The following AOPEP variants were observed in gnomAD, a reference collection of about 807,000 sequenced individuals.
AOPEP encodes the protein aminopeptidase O (putative), also known as aminopeptidase O.
AOPEP carries 77 observed loss-of-function variants against 98.1 expected under a neutral mutation model. That is an observed-to-expected ratio of 0.78 (90% CI 0.65 to 0.95). AOPEP has a LOEUF of 0.95. Among genes scored for constraint, AOPEP ranks in the 40% least tolerant of loss-of-function variants. AOPEP has a pLI of 0.00. For synonymous variants in AOPEP, 346 were observed against 365.3 expected (o/e 0.95, Z 0.60); for missense variants, 1,024 against 1,024.7 (o/e 1.00, Z 0.01).
At chr9:94,947,276 C>T (rs1219271689) in intron 7 of AOPEP, among the ~76,000 whole-genome samples, 4 of 150,770 alleles carry the variant, frequency 2.7e-5, no homozygotes, top group African/African-American at 9.8e-5. Flanking sequence ...CCACCGCACC[C>T]GGCCTTTTGT....
At chr9:94,762,320 G>A (rs199708073) in intron 2 of AOPEP, among the ~76,000 whole-genome samples, 2 of 152,082 alleles carry the variant, frequency 1.3e-5, no homozygotes, top group African/African-American at 4.8e-5. Flanking sequence ...GGTGGTGGGC[G>A]CCTGTAGTCC....
At chr9:94,799,613 A>G (rs1029940640) in intron 4 of AOPEP, among the ~76,000 whole-genome samples, 2 of 152,066 alleles carry the variant, frequency 1.3e-5, no homozygotes, top group Non-Finnish European at 2.9e-5. Flanking sequence ...CTGTACTCCT[A>G]GCTGTTTTGG....
intron 13 of AOPEP, among the ~76,000 whole-genome samples, chr9:95,023,998 T>C (rs1284916557): frequency 6.6e-6 from 1 of 152,234 alleles, no homozygotes; most frequent in Non-Finnish European, 1.5e-5. Flanking sequence ...AAAAGGGTCA[T>C]TGGATAAAGC....
intron 5 of AOPEP, among the ~76,000 whole-genome samples, chr9:94,888,859 C>G (rs1282380159): frequency 2.0e-5 from 3 of 152,202 alleles, no homozygotes; most frequent in Non-Finnish European, 4.4e-5. Flanking sequence ...ATTATTTTCT[C>G]TCTGCATGTG....
chr9:94,990,190 C>T (rs2132336907), intron 11 of AOPEP, among the ~76,000 whole-genome samples: 1 of 152,312 alleles, frequency 6.6e-6, no homozygotes, highest in South Asian at 2.1e-4. Flanking sequence ...GGAGACTGCC[C>T]TTAAGCCCCA....
intron 1 of AOPEP, among the ~76,000 whole-genome samples, chr9:94,748,979 A>G (rs1835103353): frequency 6.6e-6 from 1 of 152,214 alleles, no homozygotes; most frequent in Non-Finnish European, 1.5e-5. Flanking sequence ...CTTGGAAGCA[A>G]ATAATTAAGT....
At position 94,757,293 on chromosome 9, in the gene AOPEP, G is replaced by A. The variant is rs545446445; in HGVS notation, c.-135-2356G>A. On this transcript the variant is annotated intron_variant, in intron 1 of 16. Transcript: ENST00000375315. ...GAGTCAGCAAGCTTGGAATTGGAAAGTTAAAAGTTTTAGAATTGCCTCTGT... is the reference window on the plus strand; with the variant it reads ...GAGTCAGCAAGCTTGGAATTGGAAAATTAAAAGTTTTAGAATTGCCTCTGT... Among the ~76,000 whole-genome samples, 12 of 152,360 alleles carry A rather than the reference G, an allele frequency of 7.9e-5. No homozygotes were observed. The East Asian group carries it at 2.3e-3, about 29-fold the overall frequency.
At chr9:95,102,568 G>C in the AOPEP span, among the ~76,000 whole-genome samples, 2 of 152,238 alleles carry the variant, frequency 1.3e-5, no homozygotes, top group African/African-American at 4.8e-5. Flanking sequence ...TATTCACTTA[G>C]TGTGTGTCAG....
chr9:94,769,023 T>C (rs1023844964), intron 2 of AOPEP, among the ~76,000 whole-genome samples: 2 of 152,192 alleles, frequency 1.3e-5, no homozygotes, highest in Non-Finnish European at 2.9e-5. Context: ...CTGCCTTCTG[T>C]GGAGGGGAAG....
intron 5 of AOPEP, among the ~76,000 whole-genome samples, chr9:94,838,479 T>A (rs911567602): frequency 3.3e-5 from 5 of 152,246 alleles, no homozygotes; most frequent in African/African-American, 1.2e-4. Flanking sequence ...ACACATCTGA[T>A]TTGATCACTG....
At chr9:94,941,588 G>C (rs1193928083) in intron 7 of AOPEP, among the ~76,000 whole-genome samples, 1 of 152,220 alleles carries the variant, frequency 6.6e-6, no homozygotes, top group Non-Finnish European at 1.5e-5. Context: ...TGCCCACTCA[G>C]TTTGTTTCCT....
At chr9:95,102,287 G>T in the AOPEP span, among the ~76,000 whole-genome samples, 1 of 152,214 alleles carries the variant, frequency 6.6e-6, no homozygotes, top group Non-Finnish European at 1.5e-5. Context: ...TGTTTTCACA[G>T]AAACAGCCCC....
rs1197623655 is a variant in AOPEP, at chr9:94,913,768, C to T, written c.1365-10218C>T. On this transcript the variant is annotated intron_variant, in intron 5 of 16. Coordinates refer to ENST00000375315, the MANE Select transcript of AOPEP (RefSeq NM_001193329.3). Reference sequence around the variant, plus strand: ...AGGGAGAACAATCAGTGAATTCATTCGTTTAATTCATGAATTTTCCTTCTA... The same window carrying T: ...AGGGAGAACAATCAGTGAATTCATTTGTTTAATTCATGAATTTTCCTTCTA... 4.6e-5 allele frequency among the ~76,000 whole-genome samples: 7 copies of T among 152,178 alleles called. No homozygotes were observed. The South Asian group carries it at 8.3e-4, about 18-fold the overall frequency.
At chr9:95,002,194 G>A (rs187906911) in intron 11 of AOPEP, among the ~76,000 whole-genome samples, 1 of 152,276 alleles carries the variant, frequency 6.6e-6, no homozygotes, top group East Asian at 1.9e-4. Flanking sequence ...CAAACAGGAG[G>A]TAATTAGAAA....
At chr9:94,814,082 T>C (rs1851205862) in intron 5 of AOPEP, among the ~76,000 whole-genome samples, 1 of 152,240 alleles carries the variant, frequency 6.6e-6, no homozygotes, top group African/African-American at 2.4e-5. Context: ...ATTGAAATTA[T>C]GTAGCAAGGT....
At chr9:95,021,144 G>A (rs549705947) in intron 13 of AOPEP, among the ~76,000 whole-genome samples, 2 of 152,052 alleles carry the variant, frequency 1.3e-5, no homozygotes, top group African/African-American at 4.8e-5. Context: ...GTCTAACTTG[G>A]CTGTTTGTTC....
At chr9:94,985,176 G>T (rs919380264) in intron 11 of AOPEP, among the ~76,000 whole-genome samples, 1 of 152,244 alleles carries the variant, frequency 6.6e-6, no homozygotes. Context: ...GAAATGAGCC[G>T]ACAATAATGT....
chr9:95,095,400 T>C, the AOPEP span, among the ~76,000 whole-genome samples: 11 of 152,198 alleles, frequency 7.2e-5, no homozygotes, highest in African/African-American at 2.2e-4. Flanking sequence ...TGCCGTCCCG[T>C]TCCCTGTGTC....
intron 5 of AOPEP, among the ~76,000 whole-genome samples, chr9:94,879,043 G>A (rs1318138242): frequency 6.6e-6 from 1 of 152,218 alleles, no homozygotes; most frequent in Non-Finnish European, 1.5e-5. Flanking sequence ...GGGACCACAA[G>A]ATCAGATGAG....
Sources: gnomAD v4.1 joint callset for allele counts (sites outside exome capture counted in the v4.1 genomes callset) on GRCh38, gnomAD v4.1.1 for gene constraint, MANE v1.5 for transcripts, NCBI Gene and HGNC (gene_info 2026-07-23, HGNC 2026-07-21) for gene names.